PIEZO2: variants seen among roughly 807,000 people sequenced by gnomAD.
PIEZO2 encodes piezo-type mechanosensitive ion channel component 2.
In PIEZO2, 172 loss-of-function variants were observed where a neutral mutation model predicts 337.3. That is an observed-to-expected ratio of 0.51 (90% CI 0.45 to 0.58). PIEZO2 has a LOEUF of 0.58. Ranked by LOEUF, PIEZO2 falls within the 20% of genes least tolerant of loss-of-function variation. The pLI is 0.00. For missense variants in PIEZO2, 3,028 were observed against 3,391.3 expected, an observed-to-expected ratio of 0.89 and a Z score of 2.66; for synonymous variants, 1,251 against 1,228.5, an observed-to-expected ratio of 1.02 and a Z score of -0.38.
At position 10,993,918 on chromosome 18, in the gene PIEZO2, C is replaced by A. The variant is rs374875649; in HGVS notation, c.161-14258G>T. ...TGATATTTGGTTACACAAGTAAGTT[C>A]TTTGGTAGTTATTTGTGAGATTTTG... On this transcript the variant is annotated intron_variant, in intron 2 of 55. Coordinates refer to ENST00000674853, the MANE Select transcript of PIEZO2 (RefSeq NM_001378183.1). This position sits in a 1 kb window ranked among gnomAD's most constrained non-coding sequence, Gnocchi z 5.0. Among the ~76,000 whole-genome samples the A allele has an allele frequency of 6.6e-6, 1 of 152,022 alleles. No individual in the cohort carries two copies. The highest frequency in any genetic ancestry group is 2.1e-4 in the South Asian group (1 of 4,822).
intron 7 of PIEZO2, among the ~76,000 whole-genome samples, chr18:10,851,568 A>G (rs1200131398): frequency 6.6e-6 from 1 of 152,220 alleles, no homozygotes; most frequent in Non-Finnish European, 1.5e-5. Context: ...TATCTTTACC[A>G]TAAGATGATA....
chr18:10,867,764 A>G (rs760244335), intron 5 of PIEZO2, among the ~76,000 whole-genome samples: 5 of 152,240 alleles, frequency 3.3e-5, no homozygotes, highest in African/African-American at 4.8e-5. Context: ...TTATTATGTA[A>G]ATAACTCTTT....
intron 7 of PIEZO2, among the ~76,000 whole-genome samples, chr18:10,832,451 T>C (rs2040872044): frequency 6.6e-6 from 1 of 152,164 alleles, no homozygotes; most frequent in Non-Finnish European, 1.5e-5. Context: ...GTTACTATTA[T>C]GCTAATACGA....
At chr18:10,720,008 T>C (rs1260988929) in intron 36 of PIEZO2, among the ~76,000 whole-genome samples, 5 of 152,028 alleles carry the variant, frequency 3.3e-5, no homozygotes, top group African/African-American at 1.2e-4. Context: ...GAGGATGTTG[T>C]CATACTGTTG....
Position 10,726,698 on chromosome 18 carries a change from T to G in PIEZO2, c.5029+4709A>C. 7.0e-7 allele frequency: 1 copy of G among 1,433,312 alleles called. No individual in the cohort carries two copies. The highest frequency in any genetic ancestry group is 9.7e-7 in the Non-Finnish European group (1 of 1,027,686). 88.8% of individuals were successfully genotyped at this position (1,433,312 alleles called of 1,614,324 possible). A position where few individuals can be genotyped will look rare whatever the true frequency, so the allele number is the denominator to read the frequency against. On this transcript the variant is annotated intron_variant, in intron 36 of 55. Transcript: ENST00000674853. The surrounding 1 kb of genome is among the most constrained non-coding windows in gnomAD (Gnocchi z 5.9). ...CCAAGTTAATTCAGCAAGGACCAGG[T>G]GTACCTGAACGGCATCCTGTGCATT...
intron 1 of PIEZO2, among the ~76,000 whole-genome samples, chr18:11,145,809 G>T (rs964610540): frequency 2.0e-5 from 3 of 152,270 alleles, no homozygotes. Context: ...CAGAATGCAG[G>T]TTATCTTTTC....
At chr18:10,817,767 CA>C (rs1162445445) in intron 7 of PIEZO2, among the ~76,000 whole-genome samples, 1 of 151,748 alleles carries the variant, frequency 6.6e-6, no homozygotes, top group Non-Finnish European at 1.5e-5. Flanking sequence ...ACTAAAAATA[CA>C]AAAAATTAGC....
chr18:10,714,011 G>C lies in PIEZO2; in HGVS notation c.5423+753C>G, dbSNP rs73943381. Among the ~76,000 whole-genome samples the C allele has an allele frequency of 6.8e-3, 1,028 of 152,250 alleles. 15 individuals are homozygous for C. Among genetic ancestry groups the C allele is most frequent in the African/African-American group, 0.024 (981 of 41,550 alleles). On this transcript the variant is annotated intron_variant, in intron 39 of 55. Transcript: ENST00000674853. ...GAGGCAATGAGAGACAGCATACTAG[G>C]GTGGTTGAGAGCTTGGGTTCTGAGC... is the stretch of plus-strand genomic sequence containing the variant.
chr18:10,857,904 T>C (rs1428213439), intron 5 of PIEZO2, among the ~76,000 whole-genome samples: 3 of 152,232 alleles, frequency 2.0e-5, no homozygotes, highest in Non-Finnish European at 4.4e-5. Context: ...GCATTTTTGC[T>C]TGTTCGTTTT....
intron 1 of PIEZO2, among the ~76,000 whole-genome samples, chr18:11,130,330 G>C (rs956297704): frequency 6.6e-6 from 1 of 152,226 alleles, no homozygotes; most frequent in Non-Finnish European, 1.5e-5. Flanking sequence ...CTGGTAACTG[G>C]TATGCAGCCA....
intron 2 of PIEZO2, among the ~76,000 whole-genome samples, chr18:10,984,879 G>T (rs2034808375): frequency 6.6e-6 from 1 of 152,056 alleles, no homozygotes; most frequent in Admixed American, 6.6e-5. Flanking sequence ...CCTTCAAAAG[G>T]CTATCAGTAG....
At chr18:10,963,932 A>G (rs558559629) in intron 3 of PIEZO2, among the ~76,000 whole-genome samples, 1 of 152,288 alleles carries the variant, frequency 6.6e-6, no homozygotes, top group East Asian at 1.9e-4. Context: ...AGGGGGGAGT[A>G]GAAAGTGGAG....
chr18:11,118,737 C>T (rs893744956), intron 1 of PIEZO2, among the ~76,000 whole-genome samples: 6 of 143,130 alleles, frequency 4.2e-5, no homozygotes, highest in African/African-American at 1.5e-4. Context: ...AAAATCACAT[C>T]CTTTAGATCA....
chr18:11,141,281 G>T (rs1326914094), intron 1 of PIEZO2, among the ~76,000 whole-genome samples: 2 of 152,180 alleles, frequency 1.3e-5, no homozygotes, highest in African/African-American at 4.8e-5. Flanking sequence ...ACCAAGTGGT[G>T]TATTTAAGGA....
rs78556465 is a variant in PIEZO2, at chr18:10,707,422, T to G, written c.5588+853A>C. 2.7e-3 allele frequency among the ~76,000 whole-genome samples: 414 copies of G among 151,566 alleles called. 3 individuals are homozygous for G. Among genetic ancestry groups the G allele is most frequent in the African/African-American group, 9.4e-3 (386 of 41,280 alleles). ...CCATCAATGCCAGGTGTCAGCATAC[T>G]GCAGGGATGCACCGAGATACACGGC... is the stretch of plus-strand genomic sequence containing the variant. On this transcript the variant is annotated intron_variant, in intron 40 of 55. Coordinates refer to ENST00000674853, the MANE Select transcript of PIEZO2 (RefSeq NM_001378183.1). The surrounding 1 kb of genome is among the most constrained non-coding windows in gnomAD (Gnocchi z 4.2).
chr18:11,004,250 A>T (rs2035644234), intron 2 of PIEZO2, among the ~76,000 whole-genome samples: 2 of 152,174 alleles, frequency 1.3e-5, no homozygotes, highest in African/African-American at 4.8e-5. Context: ...TGCAGACTTC[A>T]GAGAGGAACA....
chr18:11,042,992 T>A (rs138982245), intron 2 of PIEZO2, among the ~76,000 whole-genome samples: 1 of 152,272 alleles, frequency 6.6e-6, no homozygotes, highest in East Asian at 1.9e-4. Context: ...TCCAAAAAAA[T>A]TGTTTGGCCA....
intron 3 of PIEZO2, among the ~76,000 whole-genome samples, chr18:10,932,855 T>C (rs1311827107): frequency 1.3e-5 from 2 of 151,536 alleles, no homozygotes; most frequent in Non-Finnish European, 2.9e-5. Context: ...GCCTAGGAGA[T>C]CGAGGCTGCA....
chr18:10,801,978 T>C (rs1388050940), intron 9 of PIEZO2, among the ~76,000 whole-genome samples: 2 of 147,402 alleles, frequency 1.4e-5, no homozygotes, highest in South Asian at 2.1e-4. Flanking sequence ...CCCAGATACT[T>C]GGGAGGCTGA....
Sources: allele counts gnomAD v4.1 joint callset (sites outside exome capture counted in the v4.1 genomes callset), GRCh38; gene constraint gnomAD v4.1.1; non-coding constraint Gnocchi (gnomAD v3.1); transcripts MANE v1.5; gene names NCBI Gene and HGNC (gene_info 2026-07-23, HGNC 2026-07-21).